The following NRXN1 variants were observed in gnomAD, a reference collection of about 807,000 sequenced individuals.
The protein encoded by NRXN1 is neurexin-1.
NRXN1 carries 39 observed loss-of-function variants against 150.9 expected under a neutral mutation model. The ratio of observed to expected loss-of-function variants is 0.26; its 90% CI spans 0.20 to 0.34. NRXN1 has a LOEUF of 0.34. Among genes scored for constraint, NRXN1 ranks in the 10% least tolerant of loss-of-function variants. The probability of loss-of-function intolerance (pLI) is 1.00; values close to 1 mark genes in which losing one functional copy is unlikely to be tolerated. For synonymous variants in NRXN1, 924 were observed against 757.0 expected, an observed-to-expected ratio of 1.22 and a Z score of -3.62; for missense variants, 1,815 against 1,949.9, an observed-to-expected ratio of 0.93 and a Z score of 1.30.
intron 8 of NRXN1, among the ~76,000 whole-genome samples, chr2:50,566,409 ATTTTTT>A (rs35437819): frequency 3.8e-5 from 5 of 130,058 alleles, no homozygotes; most frequent in East Asian, 2.3e-4. Context: ...ACGCCCAGCT[ATTTTTT>A]TTTTTTTTTT....
In NRXN1 at chr2:49,964,215, C is replaced by T. The variant is rs541158753; in HGVS notation, c.4129-20424G>A. 2.6e-5 allele frequency among the ~76,000 whole-genome samples: 4 copies of T among 152,278 alleles called. No homozygotes were observed. In the East Asian group the frequency reaches 5.8e-4, roughly 22 times the overall value. ...TGGTTTCTCAGAGCATCCATTGAAT[C>T]CTGGTGGGAGGTAAATAGTTTCTGT... is the stretch of plus-strand genomic sequence containing the variant. On this transcript the variant is annotated intron_variant, in intron 21 of 22. Coordinates refer to ENST00000401669, the MANE Select transcript of NRXN1 (RefSeq NM_001330078.2).
chr2:50,096,763 A>G (rs1700280561), intron 18 of NRXN1, among the ~76,000 whole-genome samples: 1 of 152,218 alleles, frequency 6.6e-6, no homozygotes, highest in Non-Finnish European at 1.5e-5. Flanking sequence ...CTGAATAAAG[A>G]TTATATTATT....
intron 2 of NRXN1, among the ~76,000 whole-genome samples, chr2:51,008,109 C>T (rs894875744): frequency 6.6e-5 from 10 of 151,824 alleles, no homozygotes; most frequent in African/African-American, 2.2e-4. Flanking sequence ...TTGATTGTTG[C>T]TGGCAATGTA....
At chr2:50,619,267 C>A (rs889489743) in intron 8 of NRXN1, 6 of 152,106 alleles carry the variant, frequency 3.9e-5, no homozygotes, top group African/African-American at 1.4e-4. Flanking sequence ...GTTCCAGTAG[C>A]CCAAAGAAAT....
At chr2:50,628,987 C>T (rs1055526666) in intron 5 of NRXN1, among the ~76,000 whole-genome samples, 43 of 151,658 alleles carry the variant, frequency 2.8e-4, no homozygotes, top group Admixed American at 2.6e-3. Context: ...ACAAAAAAAT[C>T]CAGTGTCAGT....
intron 21 of NRXN1, among the ~76,000 whole-genome samples, chr2:50,038,749 T>TCCCCCCCCCCCCCCCC (rs1690441550): frequency 7.0e-6 from 1 of 143,534 alleles, no homozygotes; most frequent in Admixed American, 6.9e-5. Flanking sequence ...CTCCCTCTCT[T>TCCCCCCCCCCCCCCCC]CCTCCCTCCC....
intron 18 of NRXN1, among the ~76,000 whole-genome samples, chr2:50,186,477 T>A (rs544849922): frequency 1.3e-5 from 2 of 152,230 alleles, no homozygotes; most frequent in East Asian, 3.9e-4. Flanking sequence ...CCTGAGCTGG[T>A]GCTGGTTCAG....
intron 5 of NRXN1, among the ~76,000 whole-genome samples, chr2:50,914,917 T>C (rs1021955649): frequency 1.3e-5 from 2 of 151,572 alleles, no homozygotes; most frequent in African/African-American, 4.8e-5. Flanking sequence ...TTGAGACACA[T>C]CAGGGCAGGG....
chr2:50,570,182 G>A (rs1453149767), intron 8 of NRXN1, among the ~76,000 whole-genome samples: 2 of 152,066 alleles, frequency 1.3e-5, no homozygotes, highest in African/African-American at 4.8e-5. Flanking sequence ...AAACAAGATA[G>A]ATCAAGCTTG....
At chr2:50,646,318 G>T (rs1047740253) in intron 5 of NRXN1, among the ~76,000 whole-genome samples, 1 of 151,998 alleles carries the variant, frequency 6.6e-6, no homozygotes, top group Non-Finnish European at 1.5e-5. Context: ...GAACTTTTCT[G>T]CATCCAGCAG....
intron 5 of NRXN1, among the ~76,000 whole-genome samples, chr2:50,633,520 TG>T (rs1464821033): frequency 6.7e-6 from 1 of 149,266 alleles, no homozygotes; most frequent in Non-Finnish European, 1.5e-5. Context: ...TATTTTGTTT[TG>T]TTTTTTTTTT....
intron 17 of NRXN1, among the ~76,000 whole-genome samples, chr2:50,303,889 A>C (rs576186938): frequency 6.6e-6 from 1 of 151,506 alleles, no homozygotes; most frequent in Admixed American, 6.6e-5. Context: ...TGCAAAATGT[A>C]ATATTCCCAA....
At chr2:50,716,179 C>T (rs1473177758) in intron 5 of NRXN1, among the ~76,000 whole-genome samples, 1 of 152,044 alleles carries the variant, frequency 6.6e-6, no homozygotes, top group African/African-American at 2.4e-5. Context: ...TATTACATTC[C>T]AAAATGATTT....
intron 17 of NRXN1, among the ~76,000 whole-genome samples, chr2:50,324,959 T>A (rs2076289727): frequency 6.6e-6 from 1 of 152,196 alleles, no homozygotes. Context: ...TTCTTGGACT[T>A]TGATGCACTA....
intron 5 of NRXN1, among the ~76,000 whole-genome samples, chr2:50,851,590 A>G (rs940824915): frequency 2.0e-5 from 3 of 151,988 alleles, no homozygotes; most frequent in Admixed American, 2.0e-4. Context: ...AGGATACACA[A>G]CTCACTCAAG....
chr2:50,204,107 C>G (rs2062390027), intron 18 of NRXN1, among the ~76,000 whole-genome samples: 1 of 152,006 alleles, frequency 6.6e-6, no homozygotes, highest in South Asian at 2.1e-4. Flanking sequence ...TTCCAATAAT[C>G]AGTCTTTCGC....
chr2:49,992,701 T>C (rs1456404744), intron 21 of NRXN1, among the ~76,000 whole-genome samples: 1 of 151,822 alleles, frequency 6.6e-6, no homozygotes, highest in East Asian at 1.9e-4. Context: ...ATCCAAAATA[T>C]ACAAAGAACT....
chr2:49,948,219 G>A (rs746048515), intron 21 of NRXN1, among the ~76,000 whole-genome samples: 7 of 151,946 alleles, frequency 4.6e-5, no homozygotes, highest in Non-Finnish European at 5.9e-5. Flanking sequence ...AATTATTTAC[G>A]CAATACAAGT....
At chr2:50,280,998 A>AT (rs1314437886) in intron 17 of NRXN1, among the ~76,000 whole-genome samples, 2 of 151,980 alleles carry the variant, frequency 1.3e-5, no homozygotes, top group African/African-American at 2.4e-5. Flanking sequence ...TATTTTTATT[A>AT]TTTTTTATTA....
Sources: gnomAD v4.1 joint callset for allele counts (sites outside exome capture counted in the v4.1 genomes callset) on GRCh38, gnomAD v4.1.1 for gene constraint, MANE v1.5 for transcripts, NCBI Gene and HGNC (gene_info 2026-07-23, HGNC 2026-07-21) for gene names.